NDUFAF2: variants seen among roughly 807,000 people sequenced by gnomAD.
NDUFAF2 encodes the protein NADH:ubiquinone oxidoreductase complex assembly factor 2, also known as NADH dehydrogenase [ubiquinone] 1 alpha subcomplex assembly factor 2.
In NDUFAF2, 13 loss-of-function variants were observed where a neutral mutation model predicts 22.8. The observed-to-expected ratio is 0.57, with a 90% CI of 0.37 to 0.91. The LOEUF is 0.91. Ranked by LOEUF, NDUFAF2 falls within the 40% of genes least tolerant of loss-of-function variation. The pLI, the probability that NDUFAF2 is intolerant of heterozygous loss-of-function variation, is 0.01. For missense variants in NDUFAF2, 162 were observed against 195.2 expected (o/e 0.83, Z 1.01); for synonymous variants, 53 against 64.2 (o/e 0.83, Z 0.84).
chr5:60,972,373 CG>C (rs894285308), intron 1 of NDUFAF2, among the ~76,000 whole-genome samples: 3 of 151,952 alleles, frequency 2.0e-5, no homozygotes, highest in Non-Finnish European at 2.9e-5. Flanking sequence ...AGTTGAATCA[CG>C]GGGGTGGTTT....
At chr5:61,144,446 CTTG>C (rs1330707470) in intron 3 of NDUFAF2, among the ~76,000 whole-genome samples, 3 of 152,034 alleles carry the variant, frequency 2.0e-5, no homozygotes, top group Admixed American at 6.5e-5. Context: ...TTTACCTTTT[CTTG>C]TTAAGTATAT....
At position 61,005,272 on chromosome 5, in the gene NDUFAF2, C is replaced by A. The variant is rs538255889; in HGVS notation, c.127+59890C>A. ...TCCCTACAAAGGACATGAAATCATC[C>A]TTTTTTATGGCTGCATAGTGTTCCA... On this transcript the variant is annotated intron_variant, in intron 1 of 3. Coordinates refer to ENST00000296597, the MANE Select transcript of NDUFAF2 (RefSeq NM_174889.5). Among the ~76,000 whole-genome samples the A allele has an allele frequency of 2.8e-4, 43 of 152,110 alleles. No homozygotes were observed. In the South Asian group the frequency reaches 7.7e-3, roughly 27 times the overall value.
At chr5:61,047,663 T>C (rs1218696506) in intron 1 of NDUFAF2, among the ~76,000 whole-genome samples, 2 of 152,082 alleles carry the variant, frequency 1.3e-5, no homozygotes, top group African/African-American at 4.8e-5. Context: ...GTGATGAGAC[T>C]CTTGTCTTTA....
At chr5:60,970,758 G>A (rs1419691344) in intron 1 of NDUFAF2, among the ~76,000 whole-genome samples, 1 of 152,124 alleles carries the variant, frequency 6.6e-6, no homozygotes, top group African/African-American at 2.4e-5. Flanking sequence ...GGGCATCCTT[G>A]TTGTATTCCA....
intron 1 of NDUFAF2, among the ~76,000 whole-genome samples, chr5:61,022,639 T>A (rs939740241): frequency 1.3e-5 from 2 of 152,122 alleles, no homozygotes; most frequent in African/African-American, 4.8e-5. Context: ...TTGGTGGTGG[T>A]GATGTTGTTT....
intron 1 of NDUFAF2, among the ~76,000 whole-genome samples, chr5:60,950,108 A>G (rs1400194712): frequency 6.6e-6 from 1 of 152,146 alleles, no homozygotes; most frequent in Non-Finnish European, 1.5e-5. Context: ...ATGAGCCTCC[A>G]GTATAATGTT....
intron 1 of NDUFAF2, among the ~76,000 whole-genome samples, chr5:61,023,953 C>T (rs1394177557): frequency 2.6e-5 from 4 of 152,120 alleles, no homozygotes; most frequent in South Asian, 2.1e-4. Context: ...TTTGAAACCC[C>T]GGGGATTGCT....
At chr5:60,954,192 AC>A (rs1750584533) in intron 1 of NDUFAF2, among the ~76,000 whole-genome samples, 1 of 152,066 alleles carries the variant, frequency 6.6e-6, no homozygotes, top group Non-Finnish European at 1.5e-5. Flanking sequence ...ATAGCCAAAG[AC>A]CTATGATGTG....
At chr5:60,993,246 C>G (rs765844368) in intron 1 of NDUFAF2, among the ~76,000 whole-genome samples, 2 of 152,226 alleles carry the variant, frequency 1.3e-5, no homozygotes, top group Non-Finnish European at 2.9e-5. Context: ...CACTGGGGAA[C>G]GTGGTGTCGC....
chr5:61,092,309 G>A (rs1241746892), intron 2 of NDUFAF2, among the ~76,000 whole-genome samples: 1 of 152,124 alleles, frequency 6.6e-6, no homozygotes, highest in Non-Finnish European at 1.5e-5. Flanking sequence ...GCTTTGGGCA[G>A]TATGGCCATT....
chr5:60,957,011 AT>A (rs1193842220), intron 1 of NDUFAF2, among the ~76,000 whole-genome samples: 1 of 152,150 alleles, frequency 6.6e-6, no homozygotes, highest in African/African-American at 2.4e-5. Context: ...AAAGTTGATA[AT>A]TTAAAATTGA....
chr5:61,112,888 CTT>C (rs35786013), intron 3 of NDUFAF2, among the ~76,000 whole-genome samples: 4 of 141,140 alleles, frequency 2.8e-5, no homozygotes. Flanking sequence ...TTAGTTTATT[CTT>C]TTTTTTTTTT....
At chr5:61,151,743 G>A (rs1178457260) in intron 3 of NDUFAF2, among the ~76,000 whole-genome samples, 2 of 150,926 alleles carry the variant, frequency 1.3e-5, no homozygotes, top group African/African-American at 2.4e-5. Flanking sequence ...GCGGTAAGCC[G>A]AGATCACACC....
chr5:61,055,505 A>T (rs1752076304), intron 1 of NDUFAF2, among the ~76,000 whole-genome samples: 1 of 152,228 alleles, frequency 6.6e-6, no homozygotes, highest in Non-Finnish European at 1.5e-5. Context: ...GAGCTGAAAT[A>T]AAAAAGGCAG....
intron 1 of NDUFAF2, among the ~76,000 whole-genome samples, chr5:61,057,252 G>A (rs1193907597): frequency 6.6e-6 from 1 of 152,106 alleles, no homozygotes; most frequent in Non-Finnish European, 1.5e-5. Context: ...CTGGAAGCAA[G>A]CCTTAAATCA....
chr5:60,981,554 T>C (rs2619893), intron 1 of NDUFAF2, among the ~76,000 whole-genome samples: 102,149 of 151,888 alleles, frequency 0.67, 34,700 homozygotes, highest in East Asian at 0.94. Context: ...ACTGAAGTTA[T>C]GGTGTGTAAA....
intron 1 of NDUFAF2, among the ~76,000 whole-genome samples, chr5:60,979,827 G>A (rs1478995009): frequency 6.6e-6 from 1 of 152,112 alleles, no homozygotes. Flanking sequence ...ACATAGATGG[G>A]GTAGCCAGGC....
At position 61,107,046 on chromosome 5, in the gene NDUFAF2, T is replaced by TATACACACACACAC. The variant is rs1295236944; in HGVS notation, c.258+8015_258+8016insTACACACACACACA. Among the ~76,000 whole-genome samples the TATACACACACACAC allele has an allele frequency of 5.6e-5, 7 of 123,938 alleles. 1 individual carries two copies. Among genetic ancestry groups the TATACACACACACAC allele is most frequent in the South Asian group, 2.7e-4 (1 of 3,654 alleles). 81.3% of individuals were successfully genotyped at this position (123,938 alleles called of 152,430 possible). A position where few individuals can be genotyped will look rare whatever the true frequency, so the allele number is the denominator to read the frequency against. On this transcript the variant is annotated intron_variant, in intron 3 of 3. Transcript: ENST00000296597. ...TGATTTCCTTTCCTTTGGATAAATA[T>TATACACACACACAC]ACACACACACACACACACACACACA...
chr5:60,991,042 T>A (rs1409115144), intron 1 of NDUFAF2, among the ~76,000 whole-genome samples: 1 of 152,236 alleles, frequency 6.6e-6, no homozygotes, highest in Non-Finnish European at 1.5e-5. Flanking sequence ...TATTAGTGCA[T>A]ACCACAAAAT....
Sources: gnomAD v4.1 joint callset for allele counts (sites outside exome capture counted in the v4.1 genomes callset) on GRCh38, gnomAD v4.1.1 for gene constraint, MANE v1.5 for transcripts, NCBI Gene and HGNC (gene_info 2026-07-23, HGNC 2026-07-21) for gene names.